ERBIN: variants seen among roughly 807,000 people sequenced by gnomAD.
The protein encoded by ERBIN is erbb2 interacting protein.
In ERBIN, 60 loss-of-function variants were observed where a neutral mutation model predicts 158.4. The ratio of observed to expected loss-of-function variants is 0.38; its 90% CI spans 0.31 to 0.47. ERBIN has a LOEUF of 0.47. Ranked by LOEUF, ERBIN falls within the 20% of genes least tolerant of loss-of-function variation. ERBIN has a pLI of 0.99. For synonymous variants in ERBIN, 594 were observed against 557.2 expected, an observed-to-expected ratio of 1.07 and a Z score of -0.93; for missense variants, 1,610 against 1,648.0, an observed-to-expected ratio of 0.98 and a Z score of 0.40.
intron 14 of ERBIN, among the ~76,000 whole-genome samples, chr5:66,035,129 G>A (rs892750321): frequency 1.3e-5 from 2 of 152,058 alleles, no homozygotes; most frequent in Non-Finnish European, 2.9e-5. Context: ...TTACATGTTT[G>A]TGCTTCTCAT....
rs1265861469 is a variant in ERBIN at position 66,038,810 on chromosome 5, C to T, written c.1306+328C>T. On this transcript the variant is annotated intron_variant, in intron 15 of 25. Coordinates refer to ENST00000284037, the MANE Select transcript of ERBIN (RefSeq NM_001253697.2). ...ATTAAACCAAGAAATATTTTCTTCA[C>T]CTGTGAACTTAATATTACACTTGGA... is the stretch of plus-strand genomic sequence containing the variant. Among the ~76,000 whole-genome samples, 4 of 116,702 alleles carry T rather than the reference C, an allele frequency of 3.4e-5. No individual in the cohort carries two copies. The East Asian group carries it at 1.0e-3, about 29-fold the overall frequency. The allele number at this position is 116,702 out of a possible 152,430, so 76.6% of individuals were successfully genotyped here.
chr5:65,969,911 GTTTTGCCAT>G (rs1347906518), intron 1 of ERBIN, among the ~76,000 whole-genome samples: 1 of 152,052 alleles, frequency 6.6e-6, no homozygotes, highest in African/African-American at 2.4e-5. Flanking sequence ...AGATTTAGTT[GTTTTGCCAT>G]TTTTGTTTAG....
In ERBIN at chr5:65,980,155, C is replaced by T. The variant is rs1371913317; in HGVS notation, c.-57-8480C>T. On this transcript the variant is annotated intron_variant, in intron 1 of 25. Transcript: ENST00000284037. ...ATGATACTGGGTGTGGTGGCTCACA[C>T]CTGTAATCCCAGTGCTTTGGGAGGC... 4.6e-5 allele frequency among the ~76,000 whole-genome samples: 7 copies of T among 152,320 alleles called. No individual in the cohort carries two copies. In the South Asian group the frequency reaches 1.2e-3, roughly 27 times the overall value.
chr5:66,058,510 C>A (rs1168326649), intron 21 of ERBIN, among the ~76,000 whole-genome samples: 1 of 151,326 alleles, frequency 6.6e-6, no homozygotes, highest in African/African-American at 2.5e-5. Context: ...ATGGTGGTTT[C>A]TTTTGCTGTG....
intron 23 of ERBIN, among the ~76,000 whole-genome samples, chr5:66,075,610 G>A (rs1186679995): frequency 1.3e-5 from 2 of 152,168 alleles, no homozygotes; most frequent in South Asian, 4.1e-4. Flanking sequence ...ACTACTTTGA[G>A]TATTTAATCT....
chr5:66,050,771 G>A lies in ERBIN; in HGVS notation c.1904-12G>A, dbSNP rs56216143. On this transcript the variant is annotated splice_polypyrimidine_tract_variant and intron_variant, in intron 19 of 25. Transcript: ENST00000284037. ...GGAATTTATCATTAATCTTAAATTT[G>A]TTTTGTTTCAGATGATACAAAGGAA... 0.029 allele frequency: 42,434 copies of A among 1,482,634 alleles called. 777 individuals are homozygous for A. The highest frequency in any genetic ancestry group is 0.034 in the Non-Finnish European group (37,372 of 1,105,976). The allele number at this position is 1,482,634 out of a possible 1,614,324, so 91.8% of individuals were successfully genotyped here. A position where few individuals can be genotyped will look rare whatever the true frequency, so the allele number is the denominator to read the frequency against.
intron 8 of ERBIN, among the ~76,000 whole-genome samples, chr5:66,021,970 A>ATT (rs371839167): frequency 3.4e-5 from 5 of 146,118 alleles, no homozygotes; most frequent in Admixed American, 6.8e-5. Context: ...AATAAGCTAG[A>ATT]TTTTTTTTTT....
chr5:65,936,161 A>AG (rs1045346488), intron 1 of ERBIN, among the ~76,000 whole-genome samples: 18 of 145,910 alleles, frequency 1.2e-4, no homozygotes, highest in African/African-American at 3.0e-4. Context: ...GGTCTGATGG[A>AG]GGGGGGGTGG....
intron 1 of ERBIN, among the ~76,000 whole-genome samples, chr5:65,940,659 C>CGG: frequency 6.9e-6 from 1 of 144,242 alleles, no homozygotes; most frequent in South Asian, 2.2e-4. Context: ...GGTCAGCCCC[C>CGG]CGCCCGGCCA....
At chr5:65,990,419 A>C (rs1229996906) in intron 2 of ERBIN, among the ~76,000 whole-genome samples, 5 of 150,980 alleles carry the variant, frequency 3.3e-5, no homozygotes, top group Non-Finnish European at 7.4e-5. Context: ...CTGTAATCCC[A>C]GCACTTTGGG....
intron 1 of ERBIN, among the ~76,000 whole-genome samples, chr5:65,935,440 G>A (rs1561263067): frequency 6.6e-6 from 1 of 152,116 alleles, no homozygotes; most frequent in South Asian, 2.1e-4. Flanking sequence ...AGGAAGTTAA[G>A]GTAAACATTT....
At chr5:66,068,103 G>A (rs545823687) in intron 21 of ERBIN, among the ~76,000 whole-genome samples, 40 of 152,174 alleles carry the variant, frequency 2.6e-4, no homozygotes, top group Middle Eastern at 3.4e-3. Flanking sequence ...TGAGGCAAAA[G>A]GATTGCTTGA....
chr5:66,077,972 C>G (rs1376769473), intron 25 of ERBIN, among the ~76,000 whole-genome samples: 6 of 152,170 alleles, frequency 3.9e-5, no homozygotes, highest in Non-Finnish European at 8.8e-5. Context: ...ATCAAAGGAT[C>G]TAATTCATAT....
chr5:65,981,759 A>T (rs1354327977), intron 1 of ERBIN, among the ~76,000 whole-genome samples: 1 of 152,164 alleles, frequency 6.6e-6, no homozygotes, highest in Non-Finnish European at 1.5e-5. Flanking sequence ...GTGAATCAGC[A>T]TGTGGTCTTT....
intron 1 of ERBIN, among the ~76,000 whole-genome samples, chr5:65,951,559 G>A (rs529396048): frequency 6.6e-6 from 1 of 152,260 alleles, no homozygotes; most frequent in Non-Finnish European, 1.5e-5. Context: ...AGTAGGCTTA[G>A]TCACCATAGC....
At chr5:65,981,296 T>C (rs1376708380) in intron 1 of ERBIN, among the ~76,000 whole-genome samples, 1 of 152,160 alleles carries the variant, frequency 6.6e-6, no homozygotes, top group Non-Finnish European at 1.5e-5. Context: ...AAAGTAGTAC[T>C]CAGATAATTT....
intron 1 of ERBIN, among the ~76,000 whole-genome samples, chr5:65,985,830 C>T (rs1472496463): frequency 1.3e-5 from 2 of 152,168 alleles, no homozygotes; most frequent in Non-Finnish European, 2.9e-5. Context: ...CCCCACCAAC[C>T]AGAGGTGGTT....
At chr5:66,000,268 G>A (rs528922944) in intron 4 of ERBIN, among the ~76,000 whole-genome samples, 1 of 152,280 alleles carries the variant, frequency 6.6e-6, no homozygotes, top group Admixed American at 6.5e-5. Context: ...TATGCTTCAT[G>A]AAAATGGATT....
intron 17 of ERBIN, among the ~76,000 whole-genome samples, chr5:66,046,049 G>A (rs974450480): frequency 6.6e-6 from 1 of 152,148 alleles, no homozygotes; most frequent in South Asian, 2.1e-4. Context: ...TTAACCATCC[G>A]GAGTTGAGTT....
Sources: allele counts gnomAD v4.1 joint callset (sites outside exome capture counted in the v4.1 genomes callset), GRCh38; gene constraint gnomAD v4.1.1; transcripts MANE v1.5; gene names NCBI Gene and HGNC (gene_info 2026-07-23, HGNC 2026-07-21).